The following CNNM2 variants were observed in gnomAD, a reference collection of about 807,000 sequenced individuals.
CNNM2 encodes the protein metal transporter CNNM2.
CNNM2 carries 12 observed loss-of-function variants against 66.9 expected under a neutral mutation model. The observed-to-expected ratio is 0.18, with a 90% CI of 0.11 to 0.29. The LOEUF is 0.29. Among genes scored for constraint, CNNM2 ranks in the 10% least tolerant of loss-of-function variants. The pLI, the probability that CNNM2 is intolerant of heterozygous loss-of-function variation, is 1.00. For synonymous variants in CNNM2, 557 were observed against 501.8 expected (o/e 1.11, Z -1.47); for missense variants, 705 against 1,167.7 (o/e 0.60, Z 5.77).
intron 1 of CNNM2, among the ~76,000 whole-genome samples, chr10:102,985,703 T>A (rs1422652009): frequency 6.6e-6 from 1 of 152,194 alleles, no homozygotes; most frequent in East Asian, 1.9e-4. Context: ...AGCAGAATAT[T>A]TGTTTTGTTT....
intron 1 of CNNM2, among the ~76,000 whole-genome samples, chr10:103,047,517 A>G (rs2065146183): frequency 6.6e-6 from 1 of 152,230 alleles, no homozygotes; most frequent in Non-Finnish European, 1.5e-5. Context: ...ATAGTAATGT[A>G]CCAATGCCAA....
At chr10:103,075,940 C>A (rs1480741012) in intron 6 of CNNM2, 146 bp from the exon 7 acceptor site, 2 of 719,008 alleles carry the variant, frequency 2.8e-6, no homozygotes, top group South Asian at 1.9e-5. Flanking sequence ...ACATAGGATA[C>A]CCTCTGGCAT....
At chr10:103,076,020 A>C (rs2065684038) in intron 6 of CNNM2, 66 bp from the exon 7 acceptor site, 1 of 1,415,404 alleles carries the variant, frequency 7.1e-7, no homozygotes, top group Non-Finnish European at 9.6e-7. Flanking sequence ...TTATTTTGGA[A>C]AATAACTGGT....
chr10:102,992,504 C>T (rs2063916585), intron 1 of CNNM2, among the ~76,000 whole-genome samples: 1 of 151,972 alleles, frequency 6.6e-6, no homozygotes, highest in Non-Finnish European at 1.5e-5. Context: ...AACTCCTGAT[C>T]TCGAAGTGAT....
rs769073700 is a variant in CNNM2, at chr10:102,948,548, A to T, written c.1621+28447A>T. ...GGGTGGTACAAGATGCTATTGGCGAAGTCAGCAGAAGCAAGCAGGGACTCC... is the reference window on the plus strand; with the variant it reads ...GGGTGGTACAAGATGCTATTGGCGATGTCAGCAGAAGCAAGCAGGGACTCC... On this transcript the variant is annotated intron_variant, in intron 1 of 7. Coordinates refer to ENST00000369878, the MANE Select transcript of CNNM2 (RefSeq NM_017649.5). 1.6e-3 allele frequency among the ~76,000 whole-genome samples: 247 copies of T among 152,308 alleles called. 4 individuals carry two copies. Among genetic ancestry groups the T allele is most frequent in the Non-Finnish European group, 1.1e-3 (74 of 68,030 alleles).
chr10:103,008,033 A>G (rs756737756), intron 1 of CNNM2, among the ~76,000 whole-genome samples: 9 of 152,030 alleles, frequency 5.9e-5, no homozygotes, highest in Non-Finnish European at 1.5e-5. Context: ...AAATAATCAC[A>G]TTTTTGCTCT....
At chr10:103,017,009 G>A (rs2035036153) in intron 1 of CNNM2, among the ~76,000 whole-genome samples, 2 of 151,416 alleles carry the variant, frequency 1.3e-5, no homozygotes, top group South Asian at 2.1e-4. Flanking sequence ...TTAAAAAAGG[G>A]TGAATCAAAC....
Position 102,918,354 on chromosome 10 carries a change from G to C in CNNM2, c.-127G>C, listed in dbSNP as rs1469563136. On this transcript the variant is annotated 5_prime_UTR_variant, in exon 1 of 8. Coordinates refer to ENST00000369878, the MANE Select transcript of CNNM2 (RefSeq NM_017649.5). The surrounding 1 kb of genome is among the most constrained non-coding windows in gnomAD (Gnocchi z 4.1). ...CTCAGCTGGCTGAGGTGGAGTCAGT[G>C]TCAGTCAGGGAGGCGAACTGCTGAG... is the stretch of plus-strand genomic sequence containing the variant. 1.9e-5 allele frequency: 28 copies of C among 1,452,798 alleles called. No homozygotes were observed. Among genetic ancestry groups the C allele is most frequent in the Non-Finnish European group, 2.5e-5 (27 of 1,098,188 alleles). The allele number at this position is 1,452,798 out of a possible 1,614,324, so 90.0% of individuals were successfully genotyped here.
At position 103,086,676 on chromosome 10, in the gene CNNM2, G is replaced by A. The variant is rs1274285829; in HGVS notation, c.*9496G>A. ...AGTGGTTTCTTAACAATGCTAATGT[G>A]ACTTAAGGATTTGTAGTTCTATTAA... is the stretch of plus-strand genomic sequence containing the variant. On this transcript the variant is annotated 3_prime_UTR_variant, in exon 8 of 8. Transcript: ENST00000369878. 6.6e-6 allele frequency: 1 copy of A among 152,220 alleles called. No individual in the cohort carries two copies. Among genetic ancestry groups the A allele is most frequent in the Non-Finnish European group, 1.5e-5 (1 of 68,048 alleles). 9.4% of individuals were successfully genotyped at this position (152,220 alleles called of 1,614,324 possible). A position where few individuals can be genotyped will look rare whatever the true frequency, so the allele number is the denominator to read the frequency against.
At chr10:102,954,722 C>T (rs1846971315) in intron 1 of CNNM2, among the ~76,000 whole-genome samples, 1 of 152,158 alleles carries the variant, frequency 6.6e-6, no homozygotes, top group Non-Finnish European at 1.5e-5. Context: ...TTTGGATAAG[C>T]TGGTTCTTCT....
chr10:102,940,651 C>T (rs776083574), intron 1 of CNNM2, among the ~76,000 whole-genome samples: 38 of 151,618 alleles, frequency 2.5e-4, no homozygotes, highest in Non-Finnish European at 5.0e-4. Context: ...ATCTCCTGAC[C>T]TCGTGATCCG....
At chr10:103,034,320 T>G (rs1349750510) in intron 1 of CNNM2, among the ~76,000 whole-genome samples, 2 of 148,724 alleles carry the variant, frequency 1.3e-5, no homozygotes, top group Non-Finnish European at 3.0e-5. Flanking sequence ...TTTCTTGTTT[T>G]TTTTTTTTGG....
intron 1 of CNNM2, among the ~76,000 whole-genome samples, chr10:103,007,499 G>A (rs937293920): frequency 3.3e-5 from 5 of 152,084 alleles, no homozygotes; most frequent in Admixed American, 3.3e-4. Context: ...GACACTCCCA[G>A]AGCGGCCATT....
chr10:102,936,864 T>C (rs1846259043), intron 1 of CNNM2, among the ~76,000 whole-genome samples: 1 of 152,182 alleles, frequency 6.6e-6, no homozygotes, highest in Non-Finnish European at 1.5e-5. Flanking sequence ...CAAAATAAAG[T>C]GCAAGTTTTG....
chr10:103,084,953 T>C lies in CNNM2; in HGVS notation c.*7773T>C, dbSNP rs1016188313. 6.6e-6 allele frequency: 1 copy of C among 152,150 alleles called. No individual in the cohort carries two copies. Among genetic ancestry groups the C allele is most frequent in the African/African-American group, 2.4e-5 (1 of 41,430 alleles). The allele number at this position is 152,150 out of a possible 1,614,324, so 9.4% of individuals were successfully genotyped here. A position where few individuals can be genotyped will look rare whatever the true frequency, so the allele number is the denominator to read the frequency against. On this transcript the variant is annotated 3_prime_UTR_variant, in exon 8 of 8. Transcript: ENST00000369878. Reference sequence around the variant, plus strand: ...TCTATTAGGTGGATAATAAACTCTTTTGCTTTCTTTGTATGGTGGTTTTGT... The same window carrying C: ...TCTATTAGGTGGATAATAAACTCTTCTGCTTTCTTTGTATGGTGGTTTTGT...
At chr10:102,994,030 G>A (rs759279217) in intron 1 of CNNM2, among the ~76,000 whole-genome samples, 4 of 152,040 alleles carry the variant, frequency 2.6e-5, no homozygotes, top group Non-Finnish European at 1.5e-5. Context: ...TCTGCCTCCC[G>A]GGTTCAAGTG....
At chr10:102,996,290 T>G (rs1393339515) in intron 1 of CNNM2, among the ~76,000 whole-genome samples, 1 of 152,168 alleles carries the variant, frequency 6.6e-6, no homozygotes, top group Non-Finnish European at 1.5e-5. Flanking sequence ...TGCCTCTACC[T>G]TTTTATTTGG....
At chr10:102,962,448 G>A (rs1226989840) in intron 1 of CNNM2, among the ~76,000 whole-genome samples, 1 of 152,154 alleles carries the variant, frequency 6.6e-6, no homozygotes, top group African/African-American at 2.4e-5. Context: ...TTTTGTTTGG[G>A]ATTCTTGTGA....
intron 1 of CNNM2, among the ~76,000 whole-genome samples, chr10:103,016,703 G>A (rs140313390): frequency 6.6e-6 from 1 of 152,288 alleles, no homozygotes; most frequent in Non-Finnish European, 1.5e-5. Flanking sequence ...GCCAGGCTTC[G>A]TTTGTAATCA....
Sources: gnomAD v4.1 joint callset for allele counts (sites outside exome capture counted in the v4.1 genomes callset) on GRCh38, gnomAD v4.1.1 for gene constraint, Gnocchi (gnomAD v3.1) non-coding constraint, MANE v1.5 for transcripts, NCBI Gene and HGNC (gene_info 2026-07-23, HGNC 2026-07-21) for gene names.